CLEC4F: variants seen among roughly 807,000 people sequenced by gnomAD.
CLEC4F encodes C-type (calcium dependent, carbohydrate-recognition domain) lectin, superfamily member 13.
Under a neutral mutation model 53.4 loss-of-function variants are expected in CLEC4F, and 45 were observed. That is an observed-to-expected ratio of 0.84 (90% CI 0.66 to 1.08). The LOEUF (loss-of-function observed/expected upper bound fraction) is 1.08. CLEC4F is among the 50% of genes least tolerant of loss of function. The pLI, the probability that CLEC4F is intolerant of heterozygous loss-of-function variation, is 0.00. For missense variants in CLEC4F, 753 were observed against 698.2 expected (o/e 1.08, Z -0.88); for synonymous variants, 245 against 257.5 (o/e 0.95, Z 0.46).
chr2:70,819,503 G>A (rs544054826), intron 2 of CLEC4F, 59 bp from the exon 3 acceptor site: 13 of 1,470,042 alleles, frequency 8.8e-6, no homozygotes, highest in South Asian at 2.3e-5. Context: ...GGGAGGATAC[G>A]CTGTCCCACA....
At chr2:70,821,861 C>T (rs782040860), upstream of CLEC4F, among the ~76,000 whole-genome samples, 9 of 152,194 alleles carry the variant, frequency 5.9e-5, no homozygotes, top group Non-Finnish European at 1.0e-4. Flanking sequence ...GCCTCTGTCA[C>T]ATCCAGCATA....
upstream of CLEC4F, among the ~76,000 whole-genome samples, chr2:70,820,784 C>G (rs1677193990): frequency 6.6e-6 from 1 of 152,216 alleles, no homozygotes; most frequent in African/African-American, 2.4e-5. Flanking sequence ...TCAGCCCCAT[C>G]ATCCCAGCCT....
At chr2:70,811,020 A>T (rs1553394107) in intron 5 of CLEC4F, 1 of 617,556 alleles carries the variant, frequency 1.6e-6, no homozygotes, top group African/African-American at 1.8e-5. Flanking sequence ...GTGTCACTAC[A>T]GATGATTCCT....
In CLEC4F at chr2:70,816,164, T is replaced by C; in HGVS notation, c.1217A>G (p.Gln406Arg). 1 of 1,614,260 alleles carries C rather than the reference T, an allele frequency of 6.2e-7. No individual in the cohort carries two copies. Among genetic ancestry groups the C allele is most frequent in the Non-Finnish European group, 8.5e-7 (1 of 1,180,058 alleles). Reference sequence around the variant, plus strand: ...CAGATTGCTGTCTAACATCTGGGTCTGGGAAGTTAAGGCTGAAGCATTCTT... The same window carrying C: ...CAGATTGCTGTCTAACATCTGGGTCCGGGAAGTTAAGGCTGAAGCATTCTT... ...GMKNASALTS[Q>R]TQMLDSNLQK... The change falls in exon 4 of 7, where the codon CAG becomes CGG. Residue 406 changes from glutamine to arginine, a missense_variant. Transcript: ENST00000272367.
intron 4 of CLEC4F, among the ~76,000 whole-genome samples, chr2:70,814,117 C>G (rs1676765100): frequency 6.6e-6 from 1 of 152,216 alleles, no homozygotes; most frequent in East Asian, 1.9e-4. Flanking sequence ...ATTCAAGCTA[C>G]TTGGTATTCT....
Position 70,817,029 on chromosome 2 carries a change from C to T in CLEC4F, c.352G>A (p.Val118Ile). Residue 118 changes from valine to isoleucine, a missense_variant, in exon 4 of 7, where the codon GTA (valine) becomes ATA (isoleucine). Val to Ile is a conservative substitution (Grantham distance 29, BLOSUM62 3). Transcript: ENST00000272367. Reference sequence around the variant, plus strand: ...CACTTCAACATCTGGATTTCTACTACCCAGGCACTGGAATTCTCCATGTGG... The same window carrying T: ...CACTTCAACATCTGGATTTCTACTATCCAGGCACTGGAATTCTCCATGTGG... ...KGHMENSSAW[V>I]VEIQMLKCRV... 3.1e-6 allele frequency: 5 copies of T among 1,614,128 alleles called. No homozygotes were observed. The highest frequency in any genetic ancestry group is 4.2e-6 in the Non-Finnish European group (5 of 1,180,008).
intron 3 of CLEC4F, 120 bp from the exon 4 acceptor site, chr2:70,817,232 G>A: frequency 3.8e-6 from 4 of 1,049,098 alleles, no homozygotes; most frequent in Non-Finnish European, 5.4e-6. Context: ...AGCCCTCAGT[G>A]CTCCCCCAAG....
Position 70,816,148 on chromosome 2 carries a change from G to A in CLEC4F, c.1233C>T (p.Asp411=), listed in dbSNP as rs148473537. ...SALTSQTQML[D]SNLQKASAEI... ...CGGCACTGGCCTTCTGCAGATTGCTGTCTAACATCTGGGTCTGGGAAGTTA... is the reference window on the plus strand; with the variant it reads ...CGGCACTGGCCTTCTGCAGATTGCTATCTAACATCTGGGTCTGGGAAGTTA... The change falls in exon 4 of 7, where the codon GAC becomes GAT. Residue 411 remains aspartate, a synonymous_variant. Coordinates refer to ENST00000272367, the MANE Select transcript of CLEC4F (RefSeq NM_173535.3). 1 of 1,614,048 alleles carries A rather than the reference G, an allele frequency of 6.2e-7. No homozygotes were observed. The highest frequency in any genetic ancestry group is 8.5e-7 in the Non-Finnish European group (1 of 1,180,044).
intron 4 of CLEC4F, among the ~76,000 whole-genome samples, chr2:70,815,762 A>T (rs1401043544): frequency 6.6e-6 from 1 of 152,076 alleles, no homozygotes; most frequent in Non-Finnish European, 1.5e-5. Flanking sequence ...TGCACCATTT[A>T]CAGTTGGTTT....
intron 5 of CLEC4F, among the ~76,000 whole-genome samples, chr2:70,810,329 C>T (rs1247146058): frequency 6.6e-6 from 1 of 151,940 alleles, no homozygotes; most frequent in Non-Finnish European, 1.5e-5. Flanking sequence ...AAAGTATTTC[C>T]CATTTTAGGC....
upstream of CLEC4F, among the ~76,000 whole-genome samples, chr2:70,823,595 T>G (rs1211690281): frequency 6.6e-6 from 1 of 152,042 alleles, no homozygotes; most frequent in African/African-American, 2.4e-5. Flanking sequence ...TTCCCTGGCC[T>G]CCCCACCCAC....
At chr2:70,819,989 G>T (rs575258420) in intron 1 of CLEC4F, 98 bp from the exon 2 acceptor site, 1 of 790,786 alleles carries the variant, frequency 1.3e-6, no homozygotes, top group Non-Finnish European at 2.0e-6. Flanking sequence ...TCTGTTTCCT[G>T]GGTTGTCTAA....
chr2:70,822,600 G>A (rs1353973238), upstream of CLEC4F, among the ~76,000 whole-genome samples: 3 of 152,166 alleles, frequency 2.0e-5, no homozygotes, highest in African/African-American at 4.8e-5. Flanking sequence ...GCTGGTCAAG[G>A]AACCCCTCTA....
At chr2:70,815,537 G>C (rs1676845259) in intron 4 of CLEC4F, among the ~76,000 whole-genome samples, 1 of 152,152 alleles carries the variant, frequency 6.6e-6, no homozygotes, top group Admixed American at 6.5e-5. Flanking sequence ...CATCGGGTGA[G>C]GGCATGAATG....
upstream of CLEC4F, among the ~76,000 whole-genome samples, chr2:70,823,867 T>G (rs993959788): frequency 2.0e-5 from 3 of 151,844 alleles, no homozygotes; most frequent in African/African-American, 4.8e-5. Context: ...TTGTCTCTAT[T>G]AAAAATACAA....
At chr2:70,812,655 A>G in intron 4 of CLEC4F, 57 bp from the exon 5 acceptor site, 1 of 1,594,032 alleles carries the variant, frequency 6.3e-7, no homozygotes, top group Non-Finnish European at 8.5e-7. Flanking sequence ...GAGTCCCAGA[A>G]GGAACTTTTC....
intron 4 of CLEC4F, among the ~76,000 whole-genome samples, chr2:70,813,618 T>TCTTTCTTTCTTTCTTCCTTC (rs1553395007): frequency 6.8e-6 from 1 of 147,790 alleles, no homozygotes; most frequent in African/African-American, 2.5e-5. Flanking sequence ...TTTCTTTCTT[T>TCTTTCTTTCTTTCTTCCTTC]CTTTCTTTCT....
chr2:70,817,015 C>G lies in CLEC4F; in HGVS notation c.366G>C (p.Gln122His), dbSNP rs1360739568. 1 of 1,614,112 alleles carries G rather than the reference C, an allele frequency of 6.2e-7. No homozygotes were observed. The highest frequency in any genetic ancestry group is 8.5e-7 in the Non-Finnish European group (1 of 1,180,058). ...ENSSAWVVEI[Q>H]MLKCRVDNVN... ...CATTGTCCACTCTGCACTTCAACAT[C>G]TGGATTTCTACTACCCAGGCACTGG... Residue 122 changes from glutamine to histidine, a missense_variant, in exon 4 of 7, where the codon CAG becomes CAC. Coordinates refer to ENST00000272367, the MANE Select transcript of CLEC4F (RefSeq NM_173535.3).
chr2:70,816,555 T>C lies in CLEC4F; in HGVS notation c.826A>G (p.Asn276Asp). 1 of 1,614,056 alleles carries C rather than the reference T, an allele frequency of 6.2e-7. No homozygotes were observed. Among genetic ancestry groups the C allele is most frequent in the Non-Finnish European group, 8.5e-7 (1 of 1,180,030 alleles). Reference protein sequence around the residue: ...DLRTQNQVLRNSLEGANAEIQ... With the variant: ...DLRTQNQVLRDSLEGANAEIQ... ...TCAGCATTGGCTCCTTCCAAACTATTTCTTAAAACCTGGTTCTGGGTCCTC... is the reference window on the plus strand; with the variant it reads ...TCAGCATTGGCTCCTTCCAAACTATCTCTTAAAACCTGGTTCTGGGTCCTC... The change falls in exon 4 of 7, where the codon AAT becomes GAT. Residue 276 changes from asparagine (N) to aspartate (D), a missense_variant. Coordinates refer to ENST00000272367, the MANE Select transcript of CLEC4F (RefSeq NM_173535.3).
Sources: allele counts gnomAD v4.1 joint callset (sites outside exome capture counted in the v4.1 genomes callset), GRCh38; gene constraint gnomAD v4.1.1; transcripts MANE v1.5; gene names NCBI Gene and HGNC (gene_info 2026-07-23, HGNC 2026-07-21).